Variants in RASGRF1 observed in about 807,000 individuals in gnomAD.
The protein encoded by RASGRF1 is ras-specific guanine nucleotide-releasing factor 1.
Under a neutral mutation model 138.7 loss-of-function variants are expected in RASGRF1, and 40 were observed. The observed-to-expected ratio is 0.29, with a 90% CI of 0.22 to 0.38. RASGRF1 has a LOEUF of 0.38. Ranked by LOEUF, RASGRF1 falls within the 10% of genes least tolerant of loss-of-function variation. The pLI, the probability that RASGRF1 is intolerant of heterozygous loss-of-function variation, is 1.00. For synonymous variants in RASGRF1, 614 were observed against 663.2 expected (o/e 0.93, Z 1.14); for missense variants, 1,108 against 1,650.4 (o/e 0.67, Z 5.69).
intron 3 of RASGRF1, among the ~76,000 whole-genome samples, chr15:79,057,841 G>A (rs1784511262): frequency 6.6e-6 from 1 of 152,224 alleles, no homozygotes; most frequent in African/African-American, 2.4e-5. Context: ...CTGGTGGGCC[G>A]CTGCAGGAGC....
rs1289282375 is a variant in RASGRF1, at chr15:79,005,408, A to AGAGCCTCT, written c.2075+770_2075+777dup. On this transcript the variant is annotated intron_variant, in intron 14 of 26. Transcript: ENST00000558480. ...GGGTGTTTTGGGGCAGGGCACTCAG[A>AGAGCCTCT]GAGCCTCTGAGCCTCTGAGGGCTGG... 1.7e-5 allele frequency: 17 copies of AGAGCCTCT among 985,200 alleles called. No individual in the cohort carries two copies. The African/African-American group carries it at 3.0e-4, about 17-fold the overall frequency. The allele number at this position is 985,200 out of a possible 1,614,324, so 61.0% of individuals were successfully genotyped here.
intron 20 of RASGRF1, 109 bp from the exon 21 acceptor site, chr15:78,991,903 G>A (rs2056276671): frequency 1.3e-6 from 1 of 778,718 alleles, no homozygotes; most frequent in Non-Finnish European, 2.2e-6. Context: ...GGGTGGGCGG[G>A]TGGACGGGGT....
rs2055803891 is a variant in RASGRF1, at chr15:78,973,177, A to C, written c.3612+126T>G. The C allele has an allele frequency of 1.4e-6, 1 of 707,826 alleles. No homozygotes were observed. Among genetic ancestry groups the C allele is most frequent in the Non-Finnish European group, 2.4e-6 (1 of 416,216 alleles). The allele number at this position is 707,826 out of a possible 1,614,324, so 43.8% of individuals were successfully genotyped here. A position where few individuals can be genotyped will look rare whatever the true frequency, so the allele number is the denominator to read the frequency against. On this transcript the variant is annotated intron_variant, in intron 25 of 26. Transcript: ENST00000558480. The surrounding 1 kb of genome is among the most constrained non-coding windows in gnomAD (Gnocchi z 4.9). ...GGCTGTCATTGGGGAAGCTGGACCCAGGCTCCCAAATGGGGGCACCCTATG... is the reference window on the plus strand; with the variant it reads ...GGCTGTCATTGGGGAAGCTGGACCCCGGCTCCCAAATGGGGGCACCCTATG...
At chr15:79,040,693 T>C (rs2057286436) in intron 5 of RASGRF1, among the ~76,000 whole-genome samples, 1 of 152,070 alleles carries the variant, frequency 6.6e-6, no homozygotes. Flanking sequence ...ATGTGCTATT[T>C]TTAAAATCAA....
chr15:78,965,322 C>T (rs911168860), intron 26 of RASGRF1, among the ~76,000 whole-genome samples: 6 of 152,090 alleles, frequency 3.9e-5, no homozygotes, highest in Non-Finnish European at 8.8e-5. Context: ...GGTTCTTGCC[C>T]CCAAAGCAGG....
rs533696650 is a variant in RASGRF1, at chr15:79,071,684, CCTT to C, written c.277-7161_277-7159del. On this transcript the variant is annotated intron_variant, in intron 1 of 26. Transcript: ENST00000558480. ...TGTGCCTGGCCCTCTGCAGCTGTCTCCTTCTTTCTTTGTGTCTCTGTTCCTGCC... is the reference window on the plus strand; with the variant it reads ...TGTGCCTGGCCCTCTGCAGCTGTCTCCTTTCTTTGTGTCTCTGTTCCTGCC... 2.1e-3 allele frequency among the ~76,000 whole-genome samples: 327 copies of C among 152,152 alleles called. 1 individual carries two copies. The highest frequency in any genetic ancestry group is 7.4e-3 in the African/African-American group (305 of 41,486).
At chr15:79,048,726 T>A (rs1472704577) in intron 4 of RASGRF1, among the ~76,000 whole-genome samples, 1 of 152,194 alleles carries the variant, frequency 6.6e-6, no homozygotes, top group Non-Finnish European at 1.5e-5. Flanking sequence ...AATCTCAAAA[T>A]CTCAAACACA....
chr15:78,971,099 C>T (rs887731731), intron 26 of RASGRF1, among the ~76,000 whole-genome samples: 2 of 152,146 alleles, frequency 1.3e-5, no homozygotes, highest in African/African-American at 2.4e-5. Context: ...ATGTCTACCC[C>T]GACCAGGAAA....
chr15:79,090,652 G>C lies in RASGRF1; in HGVS notation c.-154C>G. The C allele has an allele frequency of 9.5e-7, 1 of 1,047,172 alleles. No individual in the cohort carries two copies. The highest frequency in any genetic ancestry group is 1.4e-6 in the Non-Finnish European group (1 of 738,096). The allele number at this position is 1,047,172 out of a possible 1,614,324, so 64.9% of individuals were successfully genotyped here. ...CCAAATATCTACACTCCAGGATCTG[G>C]CGCCGAGCCGCGGCTTCTTGAATCC... On this transcript the variant is annotated 5_prime_UTR_variant, in exon 1 of 27. Coordinates refer to ENST00000558480, the MANE Select transcript of RASGRF1 (RefSeq NM_001145648.3).
chr15:79,009,839 C>T (rs535350400), intron 13 of RASGRF1, among the ~76,000 whole-genome samples: 6 of 152,136 alleles, frequency 3.9e-5, no homozygotes, highest in African/African-American at 1.4e-4. Context: ...ATTCTCCTGC[C>T]TCAGCCTCCT....
At chr15:78,968,447 A>T (rs2055688386) in intron 26 of RASGRF1, among the ~76,000 whole-genome samples, 1 of 151,930 alleles carries the variant, frequency 6.6e-6, no homozygotes, top group South Asian at 2.1e-4. Context: ...AATTATTATT[A>T]TGATTTTTGC....
At chr15:78,993,372 A>AGTGTGTGTGT (rs144031196) in intron 20 of RASGRF1, among the ~76,000 whole-genome samples, 7 of 127,614 alleles carry the variant, frequency 5.5e-5, no homozygotes, top group African/African-American at 2.1e-4. Flanking sequence ...TGGTGTGTGT[A>AGTGTGTGTGT]GTGTGTGTGT....
intron 2 of RASGRF1, among the ~76,000 whole-genome samples, chr15:79,062,234 T>C (rs945241620): frequency 5.9e-5 from 9 of 152,352 alleles, no homozygotes; most frequent in African/African-American, 2.2e-4. Context: ...CCCCTTCACA[T>C]AAATAATTTC....
intron 6 of RASGRF1, 93 bp downstream of exon 6, chr15:79,035,038 T>A: frequency 9.3e-7 from 1 of 1,075,768 alleles, no homozygotes; most frequent in Non-Finnish European, 1.3e-6. Flanking sequence ...TGACACTCTA[T>A]TATGCTCTAG....
chr15:78,982,888 T>C (rs2056067052), intron 23 of RASGRF1, among the ~76,000 whole-genome samples: 1 of 150,524 alleles, frequency 6.6e-6, no homozygotes, highest in Non-Finnish European at 1.5e-5. Context: ...TCTCTTGGGT[T>C]TTTTTTTTCC....
chr15:78,968,250 A>ATGTGTGGGTGTGTGTGTGTGTG (rs1555449271), intron 26 of RASGRF1, among the ~76,000 whole-genome samples: 16 of 134,328 alleles, frequency 1.2e-4, no homozygotes, highest in Admixed American at 9.9e-4. Context: ...CATGACACTG[A>ATGTGTGGGTGTGTGTGTGTGTG]TGTGTGTGTG....
At chr15:78,990,757 G>A (rs986544228) in intron 21 of RASGRF1, among the ~76,000 whole-genome samples, 6 of 152,268 alleles carry the variant, frequency 3.9e-5, no homozygotes, top group African/African-American at 1.4e-4. Context: ...AAGTGACAGG[G>A]AGAGGGGACC....
chr15:78,964,375 A>G (rs895604425), intron 26 of RASGRF1, among the ~76,000 whole-genome samples: 7 of 152,108 alleles, frequency 4.6e-5, no homozygotes, highest in Non-Finnish European at 8.8e-5. Context: ...GGGTTTCACC[A>G]TGTTGGCCAG....
chr15:79,025,443 C>G lies in RASGRF1; in HGVS notation c.1413G>C (p.Lys471Asn). ...CCAGGCGCCCCCTGGTGATCTTGCC[C>G]TTTTCAGACATGGGCACCTGAATGA... Reference protein sequence around the residue: ...GSLIQVPMSEKGKITRGRLGS... With the variant: ...GSLIQVPMSENGKITRGRLGS... Residue 471 changes from lysine (K) to asparagine (N), a missense_variant, in exon 10 of 27, where the codon AAG (lysine) becomes AAC (asparagine). Lys to Asn is a moderately conservative substitution (Grantham distance 94). Around this residue, in one of 3 missense-constraint regions of RASGRF1, gnomAD observed 169 missense variants for 344.2 expected, o/e 0.49. Transcript: ENST00000558480. The G allele has an allele frequency of 1.2e-6, 2 of 1,613,644 alleles. No individual in the cohort carries two copies. The highest frequency in any genetic ancestry group is 1.7e-5 in the Admixed American group (1 of 59,986).
Sources: gnomAD v4.1 joint callset for allele counts (sites outside exome capture counted in the v4.1 genomes callset) on GRCh38, gnomAD v4.1.1 for gene constraint, gnomAD v4.1.1 regional missense constraint, Gnocchi (gnomAD v3.1) non-coding constraint, MANE v1.5 for transcripts, NCBI Gene and HGNC (gene_info 2026-07-23, HGNC 2026-07-21) for gene names.